Variants in SYNDIG1 observed in about 807,000 individuals in gnomAD.
SYNDIG1 encodes the protein synapse differentiation-inducing gene protein 1.
A neutral mutation model predicts 19.4 loss-of-function variants in SYNDIG1; 9 were observed. The observed-to-expected ratio is 0.46, with a 90% confidence interval of 0.28 to 0.81. The LOEUF (loss-of-function observed/expected upper bound fraction) is 0.81, where lower values mean the gene tolerates loss of function less well. Ranked by LOEUF, SYNDIG1 falls within the 30% of genes least tolerant of loss-of-function variation. SYNDIG1 has a pLI of 0.12. For missense variants in SYNDIG1, 311 were observed against 343.3 expected (o/e 0.91, Z 0.74); for synonymous variants, 141 against 145.9 (o/e 0.97, Z 0.24).
intron 3 of SYNDIG1, among the ~76,000 whole-genome samples, chr20:24,648,290 G>A (rs1196769955): frequency 2.0e-5 from 3 of 152,200 alleles, no homozygotes; most frequent in African/African-American, 7.2e-5. Context: ...TTTTAAGACA[G>A]GAGGTTTGTG....
In SYNDIG1 at chr20:24,570,724, A is replaced by G. The variant is rs1356576726; in HGVS notation, c.481-14132A>G. Among the ~76,000 whole-genome samples, 5 of 152,130 alleles carry G rather than the reference A, an allele frequency of 3.3e-5. No individual in the cohort carries two copies. In the East Asian group the frequency reaches 9.6e-4, roughly 29 times the overall value. ...GGTGGGAATGCAAACTGGAACAGCA[A>G]CTCTGGAAAACACTGTCAGTTTCAA... On this transcript the variant is annotated intron_variant, in intron 2 of 3. Transcript: ENST00000376862.
At chr20:24,585,472 G>A (rs1297800240) in intron 3 of SYNDIG1, among the ~76,000 whole-genome samples, 1 of 152,156 alleles carries the variant, frequency 6.6e-6, no homozygotes, top group Non-Finnish European at 1.5e-5. Context: ...CAGCCCCCAT[G>A]TACCTGCCCC....
rs1214780675 is a variant in SYNDIG1 at position 24,581,708 on chromosome 20, A to AT, written c.481-3147dup. Among the ~76,000 whole-genome samples the AT allele has an allele frequency of 1.7e-4, 26 of 151,960 alleles. No homozygotes were observed. In the South Asian group the frequency reaches 2.5e-3, roughly 15 times the overall value. On this transcript the variant is annotated intron_variant, in intron 2 of 3. Coordinates refer to ENST00000376862, the MANE Select transcript of SYNDIG1 (RefSeq NM_024893.3). ...AAGCCTTCCACACTGCACAGCCTCC[A>AT]TGTTACATGCCATTCATACTGCACA... is the stretch of plus-strand genomic sequence containing the variant.
intron 3 of SYNDIG1, among the ~76,000 whole-genome samples, chr20:24,645,033 C>T (rs1262482520): frequency 6.6e-6 from 1 of 152,206 alleles, no homozygotes; most frequent in African/African-American, 2.4e-5. Context: ...TGAAACCGGT[C>T]AGTCTGACCC....
chr20:24,631,008 A>G (rs1232293248), intron 3 of SYNDIG1, among the ~76,000 whole-genome samples: 1 of 152,342 alleles, frequency 6.6e-6, no homozygotes, highest in South Asian at 2.1e-4. Context: ...GAGGGAGAAG[A>G]TCTTTAACTG....
At chr20:24,518,724 C>A (rs945781434) in intron 1 of SYNDIG1, among the ~76,000 whole-genome samples, 1 of 152,214 alleles carries the variant, frequency 6.6e-6, no homozygotes, top group African/African-American at 2.4e-5. Context: ...AAGGCCATCA[C>A]AGAGGACGTA....
At chr20:24,555,998 G>A (rs1002167309) in intron 2 of SYNDIG1, among the ~76,000 whole-genome samples, 12 of 152,268 alleles carry the variant, frequency 7.9e-5, no homozygotes, top group African/African-American at 2.6e-4. Context: ...CCTCTATTGG[G>A]TGCATATATA....
At chr20:24,482,397 G>A (rs956634411) in intron 1 of SYNDIG1, among the ~76,000 whole-genome samples, 2 of 152,164 alleles carry the variant, frequency 1.3e-5, no homozygotes, top group Admixed American at 1.3e-4. Context: ...TGATGAAAAT[G>A]CACATGAAAG....
chr20:24,592,788 AT>A (rs892514091), intron 3 of SYNDIG1, among the ~76,000 whole-genome samples: 13 of 151,966 alleles, frequency 8.6e-5, no homozygotes, highest in Non-Finnish European at 1.9e-4. Context: ...TAATTTCAAT[AT>A]TTTGTAGAGA....
chr20:24,487,111 C>T (rs2055990102), intron 1 of SYNDIG1, among the ~76,000 whole-genome samples: 1 of 152,000 alleles, frequency 6.6e-6, no homozygotes, highest in Admixed American at 6.6e-5. Flanking sequence ...CCTGGCTGGG[C>T]CACAGGAGGG....
chr20:24,570,810 A>T (rs1038353887), intron 2 of SYNDIG1, among the ~76,000 whole-genome samples: 1 of 152,248 alleles, frequency 6.6e-6, no homozygotes, highest in African/African-American at 2.4e-5. Flanking sequence ...AAAACCTTAC[A>T]TTCACACAAA....
At chr20:24,489,477 GGACACACA>G (rs1266524718) in intron 1 of SYNDIG1, among the ~76,000 whole-genome samples, 2 of 142,630 alleles carry the variant, frequency 1.4e-5, no homozygotes, top group Non-Finnish European at 3.0e-5. Flanking sequence ...ATACGTGCAT[GGACACACA>G]GACACATGGA....
intron 2 of SYNDIG1, among the ~76,000 whole-genome samples, chr20:24,564,835 GA>G (rs2058013210): frequency 6.6e-6 from 1 of 152,200 alleles, no homozygotes; most frequent in African/African-American, 2.4e-5. Flanking sequence ...GAGGAAAGAG[GA>G]AAGCTGCTGC....
chr20:24,473,150 G>A (rs1009988739), intron 1 of SYNDIG1, among the ~76,000 whole-genome samples: 5 of 152,168 alleles, frequency 3.3e-5, no homozygotes, highest in African/African-American at 1.2e-4. Flanking sequence ...AAGGTGACAA[G>A]GACTGAAGTA....
chr20:24,487,586 C>T (rs115068521), intron 1 of SYNDIG1, among the ~76,000 whole-genome samples: 50 of 152,296 alleles, frequency 3.3e-4, no homozygotes, highest in African/African-American at 1.1e-3. Flanking sequence ...GAAATGAATC[C>T]GTGTCCACAT....
chr20:24,511,616 T>C (rs1055278195), intron 1 of SYNDIG1, among the ~76,000 whole-genome samples: 5 of 152,150 alleles, frequency 3.3e-5, no homozygotes, highest in African/African-American at 4.8e-5. Flanking sequence ...CAGGACTGGC[T>C]TCTCTCCCCA....
chr20:24,493,984 G>C (rs2056228058), intron 1 of SYNDIG1, among the ~76,000 whole-genome samples: 1 of 152,218 alleles, frequency 6.6e-6, no homozygotes, highest in Non-Finnish European at 1.5e-5. Flanking sequence ...TGGGGACAGA[G>C]CCGCGGATAC....
At chr20:24,507,030 G>T (rs1004212822) in intron 1 of SYNDIG1, among the ~76,000 whole-genome samples, 5 of 152,260 alleles carry the variant, frequency 3.3e-5, no homozygotes, top group African/African-American at 1.2e-4. Context: ...GGTGCATGTA[G>T]CTTGCATGGG....
At chr20:24,654,689 G>GAAGGAAGGAAGGAAGA (rs2059507420) in intron 3 of SYNDIG1, among the ~76,000 whole-genome samples, 1 of 150,418 alleles carries the variant, frequency 6.6e-6, no homozygotes, top group African/African-American at 2.5e-5. Context: ...AGGAAGGAAG[G>GAAGGAAGGAAGGAAGA]AAGGAAGGAA....
Sources: gnomAD v4.1 joint callset for allele counts (sites outside exome capture counted in the v4.1 genomes callset) on GRCh38, gnomAD v4.1.1 for gene constraint, MANE v1.5 for transcripts, NCBI Gene and HGNC (gene_info 2026-07-23, HGNC 2026-07-21) for gene names.